The following ARHGAP44 variants were observed in gnomAD, a reference collection of about 807,000 sequenced individuals.
The protein encoded by ARHGAP44 is rho GTPase-activating protein 44.
Under a neutral mutation model 106.8 loss-of-function variants are expected in ARHGAP44, and 43 were observed. That is an observed-to-expected ratio of 0.40 (90% confidence interval 0.32 to 0.52). ARHGAP44 has a LOEUF of 0.52. ARHGAP44 is among the 20% of genes least tolerant of loss of function. The pLI is 0.48. For missense variants in ARHGAP44, 866 were observed against 1,050.5 expected (o/e 0.82, Z 2.43); for synonymous variants, 439 against 410.3 (o/e 1.07, Z -0.85).
intron 1 of ARHGAP44, among the ~76,000 whole-genome samples, chr17:12,890,894 C>CGG: frequency 6.6e-6 from 1 of 152,180 alleles, no homozygotes; most frequent in East Asian, 1.9e-4. Context: ...CCTAGTTCAT[C>CGG]ACTCTTAATT....
chr17:12,879,213 A>G (rs1449407301), intron 1 of ARHGAP44, among the ~76,000 whole-genome samples: 1 of 152,196 alleles, frequency 6.6e-6, no homozygotes, highest in South Asian at 2.1e-4. Context: ...TATGAGTGAG[A>G]ACACACGATG....
At chr17:12,879,683 G>A (rs1213284955) in intron 1 of ARHGAP44, among the ~76,000 whole-genome samples, 3 of 113,334 alleles carry the variant, frequency 2.6e-5, no homozygotes, top group African/African-American at 5.3e-5. Context: ...GTGTGTATGT[G>A]TATATATATA....
At chr17:12,973,443 A>T (rs1236791865) in intron 17 of ARHGAP44, 124 bp downstream of exon 17, 7 of 957,326 alleles carry the variant, frequency 7.3e-6, no homozygotes. Context: ...GACTTATTTG[A>T]AGCTGTGTGC....
intron 7 of ARHGAP44, among the ~76,000 whole-genome samples, chr17:12,933,727 G>A (rs2038465040): frequency 6.6e-6 from 1 of 152,158 alleles, no homozygotes; most frequent in Non-Finnish European, 1.5e-5. Flanking sequence ...GGCAACAGCA[G>A]TATCAGTTTC....
chr17:12,950,196 G>A (rs1336007840), intron 12 of ARHGAP44, among the ~76,000 whole-genome samples: 1 of 152,200 alleles, frequency 6.6e-6, no homozygotes, highest in Non-Finnish European at 1.5e-5. Context: ...TTCTGGAAGG[G>A]CTCACGTAGG....
At chr17:12,960,783 C>G (rs189056488) in intron 16 of ARHGAP44, among the ~76,000 whole-genome samples, 2 of 151,938 alleles carry the variant, frequency 1.3e-5, no homozygotes, top group Non-Finnish European at 2.9e-5. Context: ...AGGCTGGTCT[C>G]GAACTCCTGA....
chr17:12,865,790 GAA>G (rs34877405), intron 1 of ARHGAP44, among the ~76,000 whole-genome samples: 9 of 119,092 alleles, frequency 7.6e-5, no homozygotes, highest in African/African-American at 1.4e-4. Context: ...CTCATCTCAA[GAA>G]AAAAAAAAAA....
chr17:12,868,284 C>G (rs1298399733), intron 1 of ARHGAP44, among the ~76,000 whole-genome samples: 2 of 152,062 alleles, frequency 1.3e-5, no homozygotes, highest in Non-Finnish European at 2.9e-5. Flanking sequence ...ACCAGTCATA[C>G]TGGATTAGGG....
chr17:12,945,091 A>G (rs2143025194), intron 10 of ARHGAP44, among the ~76,000 whole-genome samples: 1 of 151,598 alleles, frequency 6.6e-6, no homozygotes, highest in Admixed American at 6.6e-5. Context: ...GCTCACTGCA[A>G]CCTCCGCCTC....
chr17:12,898,792 G>T (rs2037289456), intron 3 of ARHGAP44, among the ~76,000 whole-genome samples: 1 of 152,156 alleles, frequency 6.6e-6, no homozygotes, highest in African/African-American at 2.4e-5. Context: ...CACCAGCGAG[G>T]ACGTACACTA....
At chr17:12,820,645 C>T (rs1323036380) in intron 1 of ARHGAP44, among the ~76,000 whole-genome samples, 3 of 152,136 alleles carry the variant, frequency 2.0e-5, no homozygotes, top group Non-Finnish European at 4.4e-5. Flanking sequence ...GTTCCCTCAA[C>T]ACCACATGGA....
chr17:12,789,525 C>A lies in ARHGAP44; in HGVS notation c.-314C>A, dbSNP rs972183952. ...CCAGCCTGCGGAGACTCCCGGGTCC[C>A]CGCGCCGGACTGGGACTGGGAGCAG... On this transcript the variant is annotated 5_prime_UTR_variant, in exon 1 of 21. Coordinates refer to ENST00000379672, the MANE Select transcript of ARHGAP44 (RefSeq NM_014859.6). 8.4e-5 allele frequency: 16 copies of A among 190,828 alleles called. No homozygotes were observed. Among genetic ancestry groups the A allele is most frequent in the Non-Finnish European group, 1.2e-4 (11 of 93,596 alleles). The allele number at this position is 190,828 out of a possible 1,614,324, so 11.8% of individuals were successfully genotyped here. A position where few individuals can be genotyped will look rare whatever the true frequency, so the allele number is the denominator to read the frequency against.
intron 4 of ARHGAP44, among the ~76,000 whole-genome samples, chr17:12,913,757 C>CACGCCTGTAATCCTAACA (rs1197321082): frequency 2.2e-3 from 323 of 150,160 alleles, no homozygotes; most frequent in Non-Finnish European, 3.2e-3. Context: ...TACCTGAGGT[C>CACGCCTGTAATCCTAACA]CAGAGTTCAA....
chr17:12,957,839 A>G (rs1043307237), intron 15 of ARHGAP44, among the ~76,000 whole-genome samples: 5 of 152,204 alleles, frequency 3.3e-5, no homozygotes, highest in African/African-American at 1.2e-4. Context: ...AACAGCTGTT[A>G]AGGCATGTGA....
intron 20 of ARHGAP44, chr17:12,988,436 C>T (rs1339843801): frequency 6.6e-6 from 1 of 152,208 alleles, no homozygotes; most frequent in East Asian, 1.9e-4. Context: ...AGCCTCACAC[C>T]TGTGTAGAGA....
At chr17:12,968,260 A>G (rs1364335515) in intron 16 of ARHGAP44, among the ~76,000 whole-genome samples, 4 of 152,116 alleles carry the variant, frequency 2.6e-5, no homozygotes, top group South Asian at 4.1e-4. Context: ...ACCACGAGCA[A>G]TTGAGCTAAT....
chr17:12,903,108 G>C (rs2037425672), intron 3 of ARHGAP44, among the ~76,000 whole-genome samples: 1 of 118,646 alleles, frequency 8.4e-6, no homozygotes, highest in Non-Finnish European at 1.6e-5. Flanking sequence ...GAGAGAGAGA[G>C]AGAGAGAGAG....
intron 1 of ARHGAP44, among the ~76,000 whole-genome samples, chr17:12,796,019 T>G (rs980645513): frequency 1.3e-5 from 2 of 152,156 alleles, no homozygotes; most frequent in African/African-American, 2.4e-5. Context: ...TATTTGTTTA[T>G]GGTAGAAAAA....
chr17:12,930,763 C>T (rs147224274), intron 7 of ARHGAP44, among the ~76,000 whole-genome samples: 1 of 152,110 alleles, frequency 6.6e-6, no homozygotes, highest in Non-Finnish European at 1.5e-5. Flanking sequence ...TTCAAAGATT[C>T]GTAGTACATG....
Sources: gnomAD v4.1 joint callset for allele counts (sites outside exome capture counted in the v4.1 genomes callset) on GRCh38, gnomAD v4.1.1 for gene constraint, MANE v1.5 for transcripts, NCBI Gene and HGNC (gene_info 2026-07-23, HGNC 2026-07-21) for gene names.